Variants in SPINK9 observed in about 807,000 individuals in gnomAD.
The protein encoded by SPINK9 is serine peptidase inhibitor Kazal type 9, also known as serine protease inhibitor Kazal-type 9.
SPINK9 carries 3 observed loss-of-function variants against 10.8 expected under a neutral mutation model. That is an observed-to-expected ratio of 0.28 (90% CI 0.13 to 0.72). The LOEUF is 0.72. Ranked by LOEUF, SPINK9 falls within the 30% of genes least tolerant of loss-of-function variation. The pLI, the probability that SPINK9 is intolerant of heterozygous loss-of-function variation, is 0.74. For missense variants in SPINK9, 101 were observed against 103.2 expected (o/e 0.98, Z 0.09); for synonymous variants, 30 against 31.2 (o/e 0.96, Z 0.12).
chr5:148,325,888 T>G (rs1393544033), intron 2 of SPINK9, among the ~76,000 whole-genome samples: 2 of 152,206 alleles, frequency 1.3e-5, no homozygotes, highest in Admixed American at 1.3e-4. Flanking sequence ...CTGATCCATT[T>G]TCAGTTACTT....
chr5:148,323,136 A>G (rs1327083021), intron 1 of SPINK9, among the ~76,000 whole-genome samples: 8 of 152,186 alleles, frequency 5.3e-5, no homozygotes, highest in Admixed American at 5.2e-4. Flanking sequence ...AAAAATCGCT[A>G]GACAAAAATG....
At position 148,339,740 on chromosome 5, in the gene SPINK9, T is replaced by C; in HGVS notation, c.*28T>C. The stretch of plus-strand genomic sequence containing the variant: ...CTATCTTGTGAGTCCAAAATATCTT[T>C]TAATGCATCTATTCACAAGAGTCAC... On this transcript the variant is annotated 3_prime_UTR_variant, in exon 4 of 4. Coordinates refer to ENST00000377906, the MANE Select transcript of SPINK9 (RefSeq NM_001040433.2). The C allele has an allele frequency of 1.3e-6, 2 of 1,563,930 alleles. No homozygotes were observed. The highest frequency in any genetic ancestry group is 1.8e-6 in the Non-Finnish European group (2 of 1,135,238).
intron 2 of SPINK9, among the ~76,000 whole-genome samples, chr5:148,328,994 G>A (rs1168397466): frequency 7.9e-5 from 12 of 152,154 alleles, no homozygotes; most frequent in Admixed American, 7.2e-4. Flanking sequence ...CCAGGCTTTG[G>A]TGTCAGGATG....
At chr5:148,322,690 C>T (rs1757012939) in intron 1 of SPINK9, among the ~76,000 whole-genome samples, 1 of 152,060 alleles carries the variant, frequency 6.6e-6, no homozygotes, top group Non-Finnish European at 1.5e-5. Context: ...CTTTCATAGC[C>T]CAGTTGTAGG....
At chr5:148,331,390 C>T (rs372976153), upstream of SPINK9, among the ~76,000 whole-genome samples, 23 of 152,248 alleles carry the variant, frequency 1.5e-4, no homozygotes, top group South Asian at 2.1e-4. Flanking sequence ...ATAAATACTA[C>T]GTGATCTCAC....
intron 2 of SPINK9, among the ~76,000 whole-genome samples, chr5:148,324,623 A>T (rs531669794): frequency 6.6e-6 from 1 of 152,076 alleles, no homozygotes; most frequent in Non-Finnish European, 1.5e-5. Flanking sequence ...TCACTGGTCT[A>T]TAACTTCCAA....
intron 2 of SPINK9, among the ~76,000 whole-genome samples, chr5:148,329,880 T>C (rs1757123622): frequency 6.6e-6 from 1 of 152,214 alleles, no homozygotes; most frequent in Non-Finnish European, 1.5e-5. Flanking sequence ...CAGTTTGTTA[T>C]AATTTCTGTT....
At chr5:148,321,540 G>A (rs890169689) in intron 1 of SPINK9, 4 of 150,992 alleles carry the variant, frequency 2.6e-5, no homozygotes, top group Non-Finnish European at 4.4e-5. Flanking sequence ...GAAAGCATAG[G>A]TGGGGACCTA....
Position 148,339,814 on chromosome 5 carries a change from T to C in SPINK9, c.*102T>C. 2.2e-6 allele frequency: 2 copies of C among 917,604 alleles called. No homozygotes were observed. Among genetic ancestry groups the C allele is most frequent in the Non-Finnish European group, 3.4e-6 (2 of 585,146 alleles). 56.8% of individuals were successfully genotyped at this position (917,604 alleles called of 1,614,324 possible). A position where few individuals can be genotyped will look rare whatever the true frequency, so the allele number is the denominator to read the frequency against. On this transcript the variant is annotated 3_prime_UTR_variant, in exon 4 of 4. Coordinates refer to ENST00000377906, the MANE Select transcript of SPINK9 (RefSeq NM_001040433.2). ...GCCACATTGCCTACTCATCACCATA[T>C]GTAGATTTCTTTGTAGAATAAAGCA...
At chr5:148,325,623 A>G (rs1403744762) in intron 2 of SPINK9, among the ~76,000 whole-genome samples, 1 of 152,048 alleles carries the variant, frequency 6.6e-6, no homozygotes, top group African/African-American at 2.4e-5. Context: ...ATTGAACTGT[A>G]ATTTTTTATA....
intron 2 of SPINK9, among the ~76,000 whole-genome samples, chr5:148,325,024 T>C (rs1034671732): frequency 2.6e-5 from 4 of 152,228 alleles, no homozygotes; most frequent in Admixed American, 2.6e-4. Flanking sequence ...ATAAATAAAA[T>C]CATGCAATAT....
At chr5:148,339,271 T>A (rs1757257422) in intron 3 of SPINK9, among the ~76,000 whole-genome samples, 2 of 152,046 alleles carry the variant, frequency 1.3e-5, no homozygotes, top group South Asian at 4.1e-4. Flanking sequence ...TATAAAAACA[T>A]ATGGGTCATT....
At chr5:148,326,164 C>T (rs538570253) in intron 2 of SPINK9, among the ~76,000 whole-genome samples, 1 of 152,198 alleles carries the variant, frequency 6.6e-6, no homozygotes, top group African/African-American at 2.4e-5. Context: ...TCTCTAATTA[C>T]TAGAGAAATG....
At chr5:148,333,102 T>C (rs1213684062), upstream of SPINK9, among the ~76,000 whole-genome samples, 2 of 152,176 alleles carry the variant, frequency 1.3e-5, no homozygotes, top group African/African-American at 4.8e-5. Context: ...ATCTTCCCAT[T>C]ACTCCAAGTA....
At chr5:148,336,762 C>T (rs1037166631) in intron 2 of SPINK9, among the ~76,000 whole-genome samples, 1 of 152,182 alleles carries the variant, frequency 6.6e-6, no homozygotes, top group African/African-American at 2.4e-5. Context: ...AAGAGCTTAG[C>T]ACAGTGCCTG....
chr5:148,334,132 G>A (rs1041874968), upstream of SPINK9, among the ~76,000 whole-genome samples: 1 of 151,886 alleles, frequency 6.6e-6, no homozygotes, highest in African/African-American at 2.4e-5. Flanking sequence ...TTAAGGGTAG[G>A]GGGGATTCTT....
chr5:148,324,946 A>G (rs922360701), intron 2 of SPINK9, among the ~76,000 whole-genome samples: 1 of 151,874 alleles, frequency 6.6e-6, no homozygotes, highest in Non-Finnish European at 1.5e-5. Context: ...CCCCCCTACT[A>G]TCCTCCCAAC....
At chr5:148,328,697 G>A (rs1474345786) in intron 2 of SPINK9, among the ~76,000 whole-genome samples, 1 of 152,150 alleles carries the variant, frequency 6.6e-6, no homozygotes, top group Admixed American at 6.6e-5. Flanking sequence ...AATTTATTGA[G>A]AGTTTTTAGC....
In SPINK9 at chr5:148,336,458, GTACA is replaced by G. The variant is rs1212952885; in HGVS notation, c.87+6_87+9del. On this transcript the variant is annotated splice_donor_region_variant and intron_variant, in intron 2 of 3. Transcript: ENST00000377906. ...GCCAAACAGACGAAACAGATGGTCA[GTACA>G]CCCATCCTACTTTTATGTAATTTTA... The G allele has an allele frequency of 6.2e-7, 1 of 1,613,004 alleles. No homozygotes were observed. Among genetic ancestry groups the G allele is most frequent in the African/African-American group, 1.3e-5 (1 of 74,866 alleles).
Sources: allele counts gnomAD v4.1 joint callset (sites outside exome capture counted in the v4.1 genomes callset), GRCh38; gene constraint gnomAD v4.1.1; transcripts MANE v1.5; gene names NCBI Gene and HGNC (gene_info 2026-07-23, HGNC 2026-07-21).